The following CD59 variants were observed in gnomAD, a reference collection of about 807,000 sequenced individuals.
CD59 encodes the protein CD59 molecule (CD59 blood group), also known as CD59 glycoprotein.
CD59 carries 3 observed loss-of-function variants against 7.0 expected under a neutral mutation model. That is an observed-to-expected ratio of 0.43 (90% CI 0.19 to 1.10). The LOEUF is 1.10. CD59 is among the 50% of genes least tolerant of loss of function. The pLI is 0.29. For missense variants in CD59, 143 were observed against 151.0 expected (o/e 0.95, Z 0.28); for synonymous variants, 60 against 62.0 (o/e 0.97, Z 0.15).
intron 1 of CD59, among the ~76,000 whole-genome samples, chr11:33,731,699 T>G (rs901079477): frequency 5.3e-5 from 8 of 152,236 alleles, no homozygotes; most frequent in Non-Finnish European, 1.0e-4. Context: ...TGACCTGGCA[T>G]AAGGGCCAGG....
At chr11:33,732,851 G>A (rs979272392) in intron 1 of CD59, among the ~76,000 whole-genome samples, 27 of 152,184 alleles carry the variant, frequency 1.8e-4, no homozygotes, top group African/African-American at 6.3e-4. Flanking sequence ...AGGAGACCTT[G>A]CATGGCAAGT....
intron 1 of CD59, among the ~76,000 whole-genome samples, chr11:33,734,064 G>A (rs1854494571): frequency 6.6e-6 from 1 of 152,232 alleles, no homozygotes; most frequent in Non-Finnish European, 1.5e-5. Flanking sequence ...CAACTCACAA[G>A]ATACCTAGTG....
chr11:33,731,012 A>G (rs903306117), intron 1 of CD59, among the ~76,000 whole-genome samples: 10 of 152,198 alleles, frequency 6.6e-5, no homozygotes, highest in African/African-American at 2.2e-4. Context: ...TTTCTAAGTA[A>G]CATTTTCTTT....
At position 33,704,940 on chromosome 11, in the gene CD59, TGGG is replaced by T. The variant is rs985618503; in HGVS notation, c.*5183_*5185del. 1.3e-5 allele frequency: 2 copies of T among 152,494 alleles called. No homozygotes were observed. 9.4% of individuals were successfully genotyped at this position (152,494 alleles called of 1,614,324 possible). A position where few individuals can be genotyped will look rare whatever the true frequency, so the allele number is the denominator to read the frequency against. On this transcript the variant is annotated 3_prime_UTR_variant, in exon 4 of 4. Transcript: ENST00000642928. Reference sequence around the variant, plus strand: ...ATTAACCATTGTGTTGGTCTGGACTTGGGGGTGCAGGCATTCCCATCTCCCTTT... The same window carrying T: ...ATTAACCATTGTGTTGGTCTGGACTTGGTGCAGGCATTCCCATCTCCCTTT...
At chr11:33,725,834 T>C (rs1279517326) in intron 1 of CD59, among the ~76,000 whole-genome samples, 1 of 151,948 alleles carries the variant, frequency 6.6e-6, no homozygotes, top group Admixed American at 6.6e-5. Flanking sequence ...TCACAATGAA[T>C]TAAGATCTGC....
intron 1 of CD59, among the ~76,000 whole-genome samples, chr11:33,724,756 A>G (rs1160953899): frequency 6.6e-6 from 1 of 152,060 alleles, no homozygotes; most frequent in Non-Finnish European, 1.5e-5. Flanking sequence ...ATGGTTGGGG[A>G]GTGTCAAGTC....
intron 1 of CD59, chr11:33,722,838 T>C: frequency 2.2e-6 from 2 of 928,910 alleles, no homozygotes; most frequent in South Asian, 3.7e-5. Context: ...CAGCACTAAG[T>C]GAATCAGACC....
intron 1 of CD59, among the ~76,000 whole-genome samples, chr11:33,732,367 T>C (rs1245957231): frequency 1.3e-5 from 2 of 151,984 alleles, no homozygotes; most frequent in Non-Finnish European, 2.9e-5. Context: ...TGTTTGAAAG[T>C]GTGTAGCACT....
intron 1 of CD59, chr11:33,722,706 CA>C (rs1332801881): frequency 1.3e-5 from 17 of 1,299,194 alleles, no homozygotes; most frequent in Non-Finnish European, 1.7e-5. Flanking sequence ...CTATCTTCCC[CA>C]TCAGGGTCAG....
chr11:33,711,338 C>A, intron 3 of CD59: 1 of 694,912 alleles, frequency 1.4e-6, no homozygotes, highest in South Asian at 1.5e-5. Context: ...AGCATAGTAT[C>A]CAGGATATAG....
intron 1 of CD59, among the ~76,000 whole-genome samples, chr11:33,725,868 G>A (rs1854241597): frequency 6.6e-6 from 1 of 152,126 alleles, no homozygotes; most frequent in African/African-American, 2.4e-5. Context: ...AGCAAAAAAA[G>A]CAGGGGTTGC....
At chr11:33,722,643 T>C in intron 1 of CD59, 180 bp from the exon 2 acceptor site, 6 of 1,457,466 alleles carry the variant, frequency 4.1e-6, no homozygotes, top group African/African-American at 1.4e-5. Context: ...TACCCTTGAG[T>C]AGGCTCAGTC....
chr11:33,707,802 C>T lies in CD59; in HGVS notation c.*2324G>A, dbSNP rs532323045. On this transcript the variant is annotated 3_prime_UTR_variant, in exon 4 of 4. Transcript: ENST00000642928. ...GCACCTCTACCTTAAGCTTACCCAGCGTGAGGCCAGGTTAGAAAGTCACAG... is the reference window on the plus strand; with the variant it reads ...GCACCTCTACCTTAAGCTTACCCAGTGTGAGGCCAGGTTAGAAAGTCACAG... 11 of 152,308 alleles carry T rather than the reference C, an allele frequency of 7.2e-5. No individual in the cohort carries two copies. Among genetic ancestry groups the T allele is most frequent in the African/African-American group, 1.9e-4 (8 of 41,558 alleles). The allele number at this position is 152,308 out of a possible 1,614,324, so 9.4% of individuals were successfully genotyped here.
At chr11:33,727,901 G>A (rs1017551491) in intron 1 of CD59, among the ~76,000 whole-genome samples, 2 of 152,236 alleles carry the variant, frequency 1.3e-5, no homozygotes, top group Non-Finnish European at 2.9e-5. Flanking sequence ...GCCAAATCAT[G>A]AGTGAACTCC....
intron 2 of CD59, among the ~76,000 whole-genome samples, chr11:33,720,060 T>C (rs1377958443): frequency 6.6e-6 from 1 of 152,200 alleles, no homozygotes. Flanking sequence ...AAGAAAGCTT[T>C]AGAAGGAAAG....
In CD59 at chr11:33,704,865, C is replaced by A. The variant is rs1261248094; in HGVS notation, c.*5261G>T. 1 of 152,568 alleles carries A rather than the reference C, an allele frequency of 6.6e-6. No individual in the cohort carries two copies. Among genetic ancestry groups the A allele is most frequent in the East Asian group, 1.9e-4 (1 of 5,188 alleles). The allele number at this position is 152,568 out of a possible 1,614,324, so 9.5% of individuals were successfully genotyped here. ...GTTGTTTGTGCCACAATTTAAGGAC[C>A]AAGCTATTCTGGGAAGCCCAGAACA... On this transcript the variant is annotated 3_prime_UTR_variant, in exon 4 of 4. Coordinates refer to ENST00000642928, the MANE Select transcript of CD59 (RefSeq NM_000611.6).
chr11:33,728,349 G>A (rs139019597), intron 1 of CD59, among the ~76,000 whole-genome samples: 3,407 of 152,096 alleles, frequency 0.022, 66 homozygotes, highest in Non-Finnish European at 0.039. Flanking sequence ...CAGAACAAAG[G>A]CCTCAGAAAT....
rs1853332873 is a variant in CD59 at position 33,706,890 on chromosome 11, G to A, written c.*3236C>T. Reference sequence around the variant, plus strand: ...AGGGACCCATTCTAGACTTTCCAAAGCTAGGCACATATTAAAGAGAGTATA... The same window carrying A: ...AGGGACCCATTCTAGACTTTCCAAAACTAGGCACATATTAAAGAGAGTATA... On this transcript the variant is annotated 3_prime_UTR_variant, in exon 4 of 4. Transcript: ENST00000642928. 1 of 152,182 alleles carries A rather than the reference G, an allele frequency of 6.6e-6. No individual in the cohort carries two copies. Among genetic ancestry groups the A allele is most frequent in the Non-Finnish European group, 1.5e-5 (1 of 68,030 alleles). The allele number at this position is 152,182 out of a possible 1,614,324, so 9.4% of individuals were successfully genotyped here.
chr11:33,710,476 G>T, intron 3 of CD59, 133 bp from the exon 4 acceptor site: 1 of 741,600 alleles, frequency 1.3e-6, no homozygotes, highest in Non-Finnish European at 2.4e-6. Flanking sequence ...TCCCAGGTGG[G>T]TTGTAAAGGA....
Sources: gnomAD v4.1 joint callset for allele counts (sites outside exome capture counted in the v4.1 genomes callset) on GRCh38, gnomAD v4.1.1 for gene constraint, MANE v1.5 for transcripts, NCBI Gene and HGNC (gene_info 2026-07-23, HGNC 2026-07-21) for gene names.